Variants in WNT9A observed in about 807,000 individuals in gnomAD.
WNT9A encodes Wnt family member 9A, also known as protein Wnt-9a.
WNT9A carries 8 observed loss-of-function variants against 31.4 expected under a neutral mutation model. That is an observed-to-expected ratio of 0.26 (90% CI 0.15 to 0.46). The LOEUF (loss-of-function observed/expected upper bound fraction) is 0.46. WNT9A is among the 20% of genes least tolerant of loss of function. WNT9A has a pLI of 0.99. For synonymous variants in WNT9A, 236 were observed against 220.1 expected, an observed-to-expected ratio of 1.07 and a Z score of -0.64; for missense variants, 457 against 522.9, an observed-to-expected ratio of 0.87 and a Z score of 1.23.
At chr1:227,930,189 G>T (rs2102722354) in intron 1 of WNT9A, among the ~76,000 whole-genome samples, 1 of 152,324 alleles carries the variant, frequency 6.6e-6, no homozygotes, top group East Asian at 1.9e-4. Context: ...ACGCTCTGTG[G>T]CGTGTCACGT....
chr1:227,936,989 C>G (rs962872471), intron 1 of WNT9A, among the ~76,000 whole-genome samples: 1 of 152,174 alleles, frequency 6.6e-6, no homozygotes, highest in Non-Finnish European at 1.5e-5. Flanking sequence ...CCCGTGTCAC[C>G]GAGGTGTCCT....
At chr1:227,946,352 G>T (rs1666792794) in intron 1 of WNT9A, among the ~76,000 whole-genome samples, 1 of 152,250 alleles carries the variant, frequency 6.6e-6, no homozygotes, top group Admixed American at 6.5e-5. Flanking sequence ...CAAGCCCAGG[G>T]TGTGTCCCCA....
At chr1:227,935,942 T>A (rs971487307) in intron 1 of WNT9A, among the ~76,000 whole-genome samples, 2 of 152,210 alleles carry the variant, frequency 1.3e-5, no homozygotes, top group African/African-American at 2.4e-5. Flanking sequence ...CTGAGTTATG[T>A]GCTAATTGCA....
At position 227,921,002 on chromosome 1, in the gene WNT9A, C is replaced by T. The variant is rs10916244; in HGVS notation, c.*516G>A. On this transcript the variant is annotated 3_prime_UTR_variant, in exon 4 of 4. Transcript: ENST00000272164. ...GTACGCCCCGACGTGCTAGAAAAGC[C>T]TCTCAGTCCTTGCAGGTGTAGACCC... The T allele has an allele frequency of 0.29, 44,595 of 153,386 alleles. 7,269 individuals carry two copies. The highest frequency in any genetic ancestry group is 0.38 in the Non-Finnish European group (25,898 of 68,788). 9.5% of individuals were successfully genotyped at this position (153,386 alleles called of 1,614,324 possible).
At chr1:227,930,948 G>A (rs948120473) in intron 1 of WNT9A, among the ~76,000 whole-genome samples, 45 of 150,896 alleles carry the variant, frequency 3.0e-4, no homozygotes, top group Non-Finnish European at 5.9e-4. Context: ...GCGATGAGCC[G>A]AGATCACGCT....
rs1055788738 is a variant in WNT9A at position 227,928,993 on chromosome 1, C to A, written c.96-3474G>T. On this transcript the variant is annotated intron_variant, in intron 1 of 3. Transcript: ENST00000272164. This position sits in a 1 kb window ranked among gnomAD's most constrained non-coding sequence, Gnocchi z 4.5. Reference sequence around the variant, plus strand: ...TACAACTCACACCCCAGACCAGGGGCCGGCGCTGTGCACGTGTGTGTGTGT... The same window carrying A: ...TACAACTCACACCCCAGACCAGGGGACGGCGCTGTGCACGTGTGTGTGTGT... Among the ~76,000 whole-genome samples, 2 of 152,206 alleles carry A rather than the reference C, an allele frequency of 1.3e-5. No homozygotes were observed. Among genetic ancestry groups the A allele is most frequent in the African/African-American group, 4.8e-5 (2 of 41,436 alleles).
rs546765872 is a variant in WNT9A, at chr1:227,944,049, G to GA, written c.95+3743dup. On this transcript the variant is annotated intron_variant, in intron 1 of 3. Coordinates refer to ENST00000272164, the MANE Select transcript of WNT9A (RefSeq NM_003395.4). ...TCCACTTCTATGTACCCCAAGAACT[G>GA]AAAACACACACACACACACAAAACC... 7.9e-5 allele frequency among the ~76,000 whole-genome samples: 12 copies of GA among 152,076 alleles called. No individual in the cohort carries two copies. The East Asian group carries it at 1.7e-3, about 22-fold the overall frequency.
At chr1:227,946,176 CTG>C (rs1250870865) in intron 1 of WNT9A, among the ~76,000 whole-genome samples, 1 of 152,266 alleles carries the variant, frequency 6.6e-6, no homozygotes, top group Admixed American at 6.5e-5. Context: ...CCTGGACTTA[CTG>C]TCTGCAAGAG....
chr1:227,925,623 G>T lies in WNT9A; in HGVS notation c.96-104C>A, dbSNP rs1426511908. 3.5e-5 allele frequency: 49 copies of T among 1,412,356 alleles called. No homozygotes were observed. The South Asian group carries it at 6.2e-4, about 18-fold the overall frequency. The allele number at this position is 1,412,356 out of a possible 1,614,324, so 87.5% of individuals were successfully genotyped here. A position where few individuals can be genotyped will look rare whatever the true frequency, so the allele number is the denominator to read the frequency against. On this transcript the variant is annotated intron_variant, in intron 1 of 3. Coordinates refer to ENST00000272164, the MANE Select transcript of WNT9A (RefSeq NM_003395.4). This position sits in a 1 kb window ranked among gnomAD's most constrained non-coding sequence, Gnocchi z 6.0. Reference sequence around the variant, plus strand: ...TACAGGGGACAGGCGTGTCCATCCGGGGGTGAGGGGGCAGAAAGAATCCAG... The same window carrying T: ...TACAGGGGACAGGCGTGTCCATCCGTGGGTGAGGGGGCAGAAAGAATCCAG...
chr1:227,924,107 C>CG, intron 3 of WNT9A, 31 bp downstream of exon 3: 1 of 1,418,920 alleles, frequency 7.0e-7, no homozygotes, highest in Non-Finnish European at 9.7e-7. Context: ...CTGACCCTCC[C>CG]TTCCCACCCC....
chr1:227,921,561 C>T lies in WNT9A; in HGVS notation c.1055G>A (p.Arg352Lys). The T allele has an allele frequency of 6.2e-7, 1 of 1,613,150 alleles. No individual in the cohort carries two copies. The highest frequency in any genetic ancestry group is 2.2e-5 in the East Asian group (1 of 44,864). Residue 352 changes from arginine (R) to lysine (K), a missense_variant, in exon 4 of 4, where the codon AGG becomes AAG. Arg to Lys is a conservative substitution (Grantham distance 26). Transcript: ENST00000272164. ...QVRWCCYVEC[R>K]QCTQREEVYT... ...GACCTCCTCACGCTGCGTGCACTGC[C>T]TGCACTCCACATAGCAGCACCAACG...
At chr1:227,927,253 C>G (rs571119473) in intron 1 of WNT9A, among the ~76,000 whole-genome samples, 1 of 152,228 alleles carries the variant, frequency 6.6e-6, no homozygotes, top group South Asian at 2.1e-4. Context: ...GGATTCAGGA[C>G]ACACACCCAT....
intron 1 of WNT9A, 124 bp downstream of exon 1, chr1:227,947,669 C>A (rs1168369980): frequency 4.8e-6 from 2 of 419,858 alleles, no homozygotes; most frequent in African/African-American, 4.3e-5. Context: ...CAGCGCCAGG[C>A]AACCCGGCGG....
In WNT9A at chr1:227,924,165, G is replaced by A; in HGVS notation, c.588C>T (p.Asp196=). The part of the protein sequence containing the change: ...RSSKDLRARV[D]FHNNLVGVKV... ...TCACACCCACGAGGTTGTTGTGGAA[G>A]TCCACACGGGCTCGCAGATCCTTGC... The change falls in exon 3 of 4, where the codon GAC becomes GAT. Residue 196 remains aspartate (D), a synonymous_variant. Coordinates refer to ENST00000272164, the MANE Select transcript of WNT9A (RefSeq NM_003395.4). 6.6e-7 allele frequency: 1 copy of A among 1,511,818 alleles called. No homozygotes were observed. Among genetic ancestry groups the A allele is most frequent in the African/African-American group, 1.4e-5 (1 of 71,420 alleles). The allele number at this position is 1,511,818 out of a possible 1,614,324, so 93.7% of individuals were successfully genotyped here.
rs547592741 is a variant in WNT9A at position 227,920,138 on chromosome 1, G to T, written c.*1380C>A. On this transcript the variant is annotated 3_prime_UTR_variant, in exon 4 of 4. Coordinates refer to ENST00000272164, the MANE Select transcript of WNT9A (RefSeq NM_003395.4). ...ATCTGCACTGAGCTGCCTGGAGGCC[G>T]GGCGTCTGCCCACAGGGTGCAGGGC... 1 of 152,308 alleles carries T rather than the reference G, an allele frequency of 6.6e-6. No individual in the cohort carries two copies. The highest frequency in any genetic ancestry group is 2.1e-4 in the South Asian group (1 of 4,834). The allele number at this position is 152,308 out of a possible 1,614,324, so 9.4% of individuals were successfully genotyped here.
At position 227,947,852 on chromosome 1, in the gene WNT9A, G is replaced by A. The variant is rs1345654296; in HGVS notation, c.36C>T (p.Ala12=). 9.2e-7 allele frequency: 1 copy of A among 1,088,520 alleles called. No individual in the cohort carries two copies. Among genetic ancestry groups the A allele is most frequent in the East Asian group, 5.6e-5 (1 of 17,762 alleles). The allele number at this position is 1,088,520 out of a possible 1,614,324, so 67.4% of individuals were successfully genotyped here. The change falls in exon 1 of 4, where the codon GCC becomes GCT. Residue 12 remains alanine (A), a synonymous_variant. Coordinates refer to ENST00000272164, the MANE Select transcript of WNT9A (RefSeq NM_003395.4). Reference sequence around the variant, plus strand: ...GCAGCAGCGTCAGCCCGAAGGCCGCGGCCAGCCAGCGCGCCAGCGGGGACC... The same window carrying A: ...GCAGCAGCGTCAGCCCGAAGGCCGCAGCCAGCCAGCGCGCCAGCGGGGACC... The part of the protein sequence containing the change: ...LDGSPLARWL[A]AAFGLTLLLA...
At position 227,928,598 on chromosome 1, in the gene WNT9A, G is replaced by T. The variant is rs900976882; in HGVS notation, c.96-3079C>A. Among the ~76,000 whole-genome samples the T allele has an allele frequency of 2.6e-5, 4 of 152,230 alleles. No homozygotes were observed. Among genetic ancestry groups the T allele is most frequent in the Non-Finnish European group, 5.9e-5 (4 of 68,042 alleles). On this transcript the variant is annotated intron_variant, in intron 1 of 3. Transcript: ENST00000272164. The surrounding 1 kb of genome is among the most constrained non-coding windows in gnomAD (Gnocchi z 4.5). ...CAACTGAAGGGACTCACAGCCTCAG[G>T]GGGTGCAGGTCTGAGGATAAACAGG...
At chr1:227,924,980 G>A (rs1305843137) in intron 2 of WNT9A, among the ~76,000 whole-genome samples, 2 of 152,116 alleles carry the variant, frequency 1.3e-5, no homozygotes, top group Non-Finnish European at 2.9e-5. Flanking sequence ...ATGAGCCGAG[G>A]GCTGTCGGGG....
chr1:227,919,689 A>G lies in WNT9A; in HGVS notation c.*1829T>C, dbSNP rs1343478961. 2.1e-4 allele frequency: 2 copies of G among 9,690 alleles called. No homozygotes were observed. The highest frequency in any genetic ancestry group is 0.031 in the East Asian group (2 of 64). 0.6% of individuals were successfully genotyped at this position (9,690 alleles called of 1,614,324 possible). A position where few individuals can be genotyped will look rare whatever the true frequency, so the allele number is the denominator to read the frequency against. On this transcript the variant is annotated 3_prime_UTR_variant, in exon 4 of 4. Coordinates refer to ENST00000272164, the MANE Select transcript of WNT9A (RefSeq NM_003395.4). ...AGCCAAGCTGACCATGCCAGTATAC[A>G]CACACACACACACACACACACACAC...
Sources: allele counts gnomAD v4.1 joint callset (sites outside exome capture counted in the v4.1 genomes callset), GRCh38; gene constraint gnomAD v4.1.1; non-coding constraint Gnocchi (gnomAD v3.1); transcripts MANE v1.5; gene names NCBI Gene and HGNC (gene_info 2026-07-23, HGNC 2026-07-21).